The following TIA1 variants were observed in gnomAD, a reference collection of about 807,000 sequenced individuals.
The protein encoded by TIA1 is TIA1 cytotoxic granule associated RNA binding protein.
In TIA1, 23 loss-of-function variants were observed where a neutral mutation model predicts 65.9. That is an observed-to-expected ratio of 0.35 (90% CI 0.25 to 0.49). TIA1 has a LOEUF of 0.49. Among genes scored for constraint, TIA1 ranks in the 20% least tolerant of loss-of-function variants. TIA1 has a pLI of 0.98. For missense variants in TIA1, 371 were observed against 477.9 expected, an observed-to-expected ratio of 0.78 and a Z score of 2.09; for synonymous variants, 147 against 149.4, an observed-to-expected ratio of 0.98 and a Z score of 0.12.
At chr2:70,213,848 C>T (rs1231381950) in intron 12 of TIA1, among the ~76,000 whole-genome samples, 18 of 152,086 alleles carry the variant, frequency 1.2e-4, no homozygotes, top group African/African-American at 1.9e-4. Context: ...GGTGGGGTTT[C>T]GCCATGTTGG....
At chr2:70,214,259 A>C in intron 12 of TIA1, 90 bp downstream of exon 12, 4 of 1,434,404 alleles carry the variant, frequency 2.8e-6, no homozygotes, top group Non-Finnish European at 3.8e-6. Flanking sequence ...AAGAGGCCCT[A>C]TTACCCACTA....
chr2:70,234,718 T>C (rs1344178337), intron 2 of TIA1, among the ~76,000 whole-genome samples: 4 of 152,130 alleles, frequency 2.6e-5, no homozygotes, highest in Admixed American at 1.3e-4. Context: ...CTTGCCACCA[T>C]GTCCGGCTAA....
chr2:70,243,552 A>C (rs1320863055), intron 1 of TIA1, among the ~76,000 whole-genome samples: 1 of 152,188 alleles, frequency 6.6e-6, no homozygotes, highest in Admixed American at 6.5e-5. Context: ...AATCTGTTAC[A>C]AGAGATGGCT....
At chr2:70,247,996 T>C (rs1226652073) in intron 1 of TIA1, among the ~76,000 whole-genome samples, 1 of 148,334 alleles carries the variant, frequency 6.7e-6, no homozygotes, top group Non-Finnish European at 1.5e-5. Context: ...AAAGTAAAAT[T>C]AAAGGGAGAC....
chr2:70,219,032 A>T (rs1296324808), intron 7 of TIA1, among the ~76,000 whole-genome samples: 1 of 152,230 alleles, frequency 6.6e-6, no homozygotes, highest in Non-Finnish European at 1.5e-5. Flanking sequence ...AGGTCTGAGG[A>T]AGAAACAAAA....
chr2:70,233,292 A>T (rs1260882467), intron 2 of TIA1, among the ~76,000 whole-genome samples: 1 of 152,222 alleles, frequency 6.6e-6, no homozygotes, highest in East Asian at 1.9e-4. Context: ...TTTGAGAGTC[A>T]CTGGCAATGA....
intron 11 of TIA1, among the ~76,000 whole-genome samples, chr2:70,214,870 C>CA (rs1677935075): frequency 6.6e-6 from 1 of 152,098 alleles, no homozygotes; most frequent in African/African-American, 2.4e-5. Context: ...TTACTTAAGA[C>CA]ACTTATATAG....
chr2:70,217,619 G>A (rs941091633), intron 7 of TIA1, among the ~76,000 whole-genome samples: 2 of 152,022 alleles, frequency 1.3e-5, no homozygotes, highest in Non-Finnish European at 2.9e-5. Context: ...GGATGGTCTC[G>A]ATCTCCTGAC....
At chr2:70,232,070 C>T (rs1390207715) in intron 2 of TIA1, among the ~76,000 whole-genome samples, 1 of 151,424 alleles carries the variant, frequency 6.6e-6, no homozygotes, top group Non-Finnish European at 1.5e-5. Context: ...GGCCTGGTGG[C>T]GGGCGCCTGT....
At chr2:70,229,700 A>C (rs1263247736) in intron 3 of TIA1, among the ~76,000 whole-genome samples, 1 of 152,182 alleles carries the variant, frequency 6.6e-6, no homozygotes, top group Non-Finnish European at 1.5e-5. Flanking sequence ...GCACTTTCGG[A>C]GGCCAAGACA....
chr2:70,217,855 G>C (rs1679340723), intron 7 of TIA1, among the ~76,000 whole-genome samples: 1 of 152,076 alleles, frequency 6.6e-6, no homozygotes. Context: ...ATCTGAAAAG[G>C]TCGTGAGCCC....
chr2:70,229,250 T>C lies in TIA1; in HGVS notation c.277+14A>G. 6.2e-7 allele frequency: 1 copy of C among 1,613,652 alleles called. No homozygotes were observed. The highest frequency in any genetic ancestry group is 8.5e-7 in the Non-Finnish European group (1 of 1,179,768). Reference sequence around the variant, plus strand: ...AATAAAAACAAATGTTCAAAGAGCATAAAATATACTTACTGCTTGTATCTT... The same window carrying C: ...AATAAAAACAAATGTTCAAAGAGCACAAAATATACTTACTGCTTGTATCTT... On this transcript the variant is annotated intron_variant, in intron 4 of 12. Coordinates refer to ENST00000433529, the MANE Select transcript of TIA1 (RefSeq NM_022173.4).
At chr2:70,241,389 C>A (rs1691642390) in intron 1 of TIA1, among the ~76,000 whole-genome samples, 1 of 151,890 alleles carries the variant, frequency 6.6e-6, no homozygotes, top group African/African-American at 2.4e-5. Context: ...TTGCAGTGAG[C>A]CGAGATCATG....
chr2:70,221,788 T>A (rs921440229), intron 7 of TIA1, among the ~76,000 whole-genome samples: 9 of 142,528 alleles, frequency 6.3e-5, no homozygotes, highest in African/African-American at 1.5e-4. Flanking sequence ...TTGTATACTT[T>A]AAAAAAAAAA....
rs762400931 is a variant in TIA1 at position 70,236,202 on chromosome 2, C to CT, written c.27-28dup. 0.098 allele frequency: 109,925 copies of CT among 1,117,060 alleles called. 298 individuals are homozygous for CT. Among genetic ancestry groups the CT allele is most frequent in the African/African-American group, 0.15 (9,097 of 62,016 alleles). The allele number at this position is 1,117,060 out of a possible 1,614,324, so 69.2% of individuals were successfully genotyped here. The stretch of plus-strand genomic sequence containing the variant: ...TGAAACACAAAGAGAAACAATTTAC[C>CT]TTTTTTTTTTTTTGAGACAGAGTTT... On this transcript the variant is annotated intron_variant, in intron 1 of 12. Transcript: ENST00000433529.
intron 11 of TIA1, 147 bp from the exon 12 acceptor site, chr2:70,214,641 A>G (rs1410126197): frequency 1.7e-6 from 1 of 577,296 alleles, no homozygotes; most frequent in Admixed American, 3.9e-5. Context: ...CTAAAAAAAA[A>G]AAAAAAAAAA....
At chr2:70,216,542 A>C in intron 8 of TIA1, 43 bp from the exon 9 acceptor site, 1 of 1,563,472 alleles carries the variant, frequency 6.4e-7, no homozygotes, top group Non-Finnish European at 8.8e-7. Context: ...ATTAAATAAA[A>C]TGTGCAGAAA....
At position 70,224,590 on chromosome 2, in the gene TIA1, A is replaced by C; in HGVS notation, c.438T>G (p.Ser146=). Residue 146 remains serine, a synonymous_variant, in exon 7 of 13, where the codon TCT becomes TCG. Coordinates refer to ENST00000433529, the MANE Select transcript of TIA1 (RefSeq NM_022173.4). The part of the protein sequence containing the change: ...RVVKDMATGK[S]KGYGFVSFFN... ...AAAAGGAGACAAAGCCATATCCCTTAGACTTTCCTGTTGCCATGTCTTTTA... is the reference window on the plus strand; with the variant it reads ...AAAAGGAGACAAAGCCATATCCCTTCGACTTTCCTGTTGCCATGTCTTTTA... The C allele has an allele frequency of 6.2e-7, 1 of 1,614,082 alleles. No individual in the cohort carries two copies. The highest frequency in any genetic ancestry group is 8.5e-7 in the Non-Finnish European group (1 of 1,179,982).
intron 4 of TIA1, 83 bp downstream of exon 4, chr2:70,229,181 A>G: frequency 6.3e-7 from 1 of 1,598,304 alleles, no homozygotes. Context: ...ATTACTGCAA[A>G]CATGTATGAT....
Sources: allele counts gnomAD v4.1 joint callset (sites outside exome capture counted in the v4.1 genomes callset), GRCh38; gene constraint gnomAD v4.1.1; transcripts MANE v1.5; gene names NCBI Gene and HGNC (gene_info 2026-07-23, HGNC 2026-07-21).